Variants in CATSPERD observed in about 807,000 individuals in gnomAD.
The protein encoded by CATSPERD is cation channel sperm-associated auxiliary subunit delta.
In CATSPERD, 86 loss-of-function variants were observed where a neutral mutation model predicts 98.1. The ratio of observed to expected loss-of-function variants is 0.88; its 90% CI spans 0.74 to 1.05. The LOEUF is 1.05. Ranked by LOEUF, CATSPERD falls within the 50% of genes least tolerant of loss-of-function variation. The pLI is 0.00. For missense variants in CATSPERD, 995 were observed against 1,005.7 expected (o/e 0.99, Z 0.14); for synonymous variants, 394 against 390.2 (o/e 1.01, Z -0.12).
chr19:5,751,927 C>G, intron 12 of CATSPERD, 104 bp downstream of exon 12: 1 of 1,109,294 alleles, frequency 9.0e-7, no homozygotes, highest in Non-Finnish European at 1.3e-6. Flanking sequence ...GCTCAGGAGG[C>G]TGAGGCTGGA....
chr19:5,726,881 T>C (rs1312091610), intron 2 of CATSPERD, among the ~76,000 whole-genome samples: 1 of 152,140 alleles, frequency 6.6e-6, no homozygotes, highest in Non-Finnish European at 1.5e-5. Flanking sequence ...ACCCTTTATG[T>C]TGATAATAGT....
chr19:5,723,419 G>A (rs530219706), intron 1 of CATSPERD, among the ~76,000 whole-genome samples: 2 of 145,802 alleles, frequency 1.4e-5, no homozygotes, highest in East Asian at 4.3e-4. Flanking sequence ...AGCCTCCTGA[G>A]TATCTGGGAT....
intron 8 of CATSPERD, 59 bp from the exon 9 acceptor site, chr19:5,745,854 C>A (rs969144670): frequency 6.3e-7 from 1 of 1,576,538 alleles, no homozygotes; most frequent in Non-Finnish European, 8.6e-7. Context: ...CTCATTAGGA[C>A]TCAGTGGGAC....
At chr19:5,760,197 G>A (rs1044332603) in intron 15 of CATSPERD, among the ~76,000 whole-genome samples, 3 of 150,448 alleles carry the variant, frequency 2.0e-5, no homozygotes, top group Non-Finnish European at 4.4e-5. Flanking sequence ...TCAAGAGATC[G>A]AGACCAGCCT....
chr19:5,764,030 G>A (rs2145835320), intron 16 of CATSPERD, among the ~76,000 whole-genome samples: 1 of 149,380 alleles, frequency 6.7e-6, no homozygotes, highest in Admixed American at 6.7e-5. Context: ...TGTATTTTTA[G>A]AAGAAACTGG....
In CATSPERD at chr19:5,771,035, G is replaced by A. The variant is rs374184519; in HGVS notation, c.1726G>A (p.Val576Ile). Residue 576 changes from valine to isoleucine, a missense_variant, in exon 19 of 22, where the codon GTC (valine) becomes ATC (isoleucine). Around this residue, in one of 3 missense-constraint regions of CATSPERD, gnomAD observed 762 missense variants for 773.7 expected, o/e 0.98. Coordinates refer to ENST00000381624, the MANE Select transcript of CATSPERD (RefSeq NM_152784.4). ...CCAGCAGCTGGGCTGTCCTCTCCTC[G>A]TCTACTATGACACCCTATGGAAGCC... ...SYQQLGCPLLVYYDTLWKPVV... is the reference protein window; with the variant it reads ...SYQQLGCPLLIYYDTLWKPVV... 65 of 1,613,896 alleles carry A rather than the reference G, an allele frequency of 4.0e-5. No individual in the cohort carries two copies. The highest frequency in any genetic ancestry group is 2.0e-4 in the South Asian group (18 of 91,070).
chr19:5,759,566 CAAA>C (rs35459854), intron 15 of CATSPERD, among the ~76,000 whole-genome samples: 32 of 83,998 alleles, frequency 3.8e-4, no homozygotes, highest in South Asian at 1.9e-3. Context: ...ACTCCAGCTC[CAAA>C]AAAAAAAAAA....
At chr19:5,775,113 T>C (rs1195422520) in intron 20 of CATSPERD, 1 of 365,272 alleles carries the variant, frequency 2.7e-6, no homozygotes, top group Non-Finnish European at 5.7e-6. Context: ...AGCAGGCATG[T>C]GGCAGACTGC....
At chr19:5,757,738 G>A (rs769426909) in intron 13 of CATSPERD, 105 bp from the exon 14 acceptor site, 350 of 777,398 alleles carry the variant, frequency 4.5e-4, no homozygotes, top group Non-Finnish European at 6.6e-4. Context: ...ACTACACCCA[G>A]CCCTGATTTT....
At chr19:5,761,877 C>G (rs1338671729) in intron 15 of CATSPERD, among the ~76,000 whole-genome samples, 1 of 150,572 alleles carries the variant, frequency 6.6e-6, no homozygotes, top group Non-Finnish European at 1.5e-5. Flanking sequence ...AGGCGTGTGC[C>G]ACCACGCCCG....
chr19:5,754,140 T>C lies in CATSPERD; in HGVS notation c.1173T>C (p.Phe391=). The stretch of plus-strand genomic sequence containing the variant: ...TTCGCCTTTTTAACTAGATAGAGTT[T>C]CTGACAGGAGAATTTATATACAGGA... The part of the protein sequence containing the change: ...ELHVGKCKIE[F]LTGEFIYRMY... Residue 391 remains phenylalanine (F), a synonymous_variant, in exon 13 of 22, where the codon TTT becomes TTC. Transcript: ENST00000381624. 6.2e-7 allele frequency: 1 copy of C among 1,607,924 alleles called. No homozygotes were observed.
chr19:5,738,833 C>T (rs1339511849), intron 6 of CATSPERD, among the ~76,000 whole-genome samples: 1 of 152,230 alleles, frequency 6.6e-6, no homozygotes, highest in Non-Finnish European at 1.5e-5. Context: ...GCCTCAGCCT[C>T]CCAAAGTGCT....
At chr19:5,776,738 G>A (rs920345665) in intron 21 of CATSPERD, among the ~76,000 whole-genome samples, 1 of 152,120 alleles carries the variant, frequency 6.6e-6, no homozygotes, top group Non-Finnish European at 1.5e-5. Context: ...GCCGGCTGTG[G>A]TGGCAGGTGC....
chr19:5,748,867 T>C (rs984643264), intron 10 of CATSPERD, among the ~76,000 whole-genome samples: 10 of 150,106 alleles, frequency 6.7e-5, no homozygotes, highest in African/African-American at 2.2e-4. Context: ...TAGCTGGGAC[T>C]ACAGGCGCGC....
rs192442457 is a variant in CATSPERD at position 5,768,449 on chromosome 19, G to A, written c.1634+207G>A. On this transcript the variant is annotated intron_variant, in intron 18 of 21. Coordinates refer to ENST00000381624, the MANE Select transcript of CATSPERD (RefSeq NM_152784.4). The stretch of plus-strand genomic sequence containing the variant: ...CCTCCCGGGTTCACACCATTCTCCC[G>A]CCTCAGCCTCCTGAGTAGTTGGGAC... Among the ~76,000 whole-genome samples, 720 of 151,484 alleles carry A rather than the reference G, an allele frequency of 4.8e-3. 5 individuals carry two copies. The highest frequency in any genetic ancestry group is 0.016 in the African/African-American group (661 of 41,238).
chr19:5,741,548 G>A (rs895190416), intron 7 of CATSPERD, among the ~76,000 whole-genome samples: 4 of 151,984 alleles, frequency 2.6e-5, no homozygotes, highest in African/African-American at 9.7e-5. Flanking sequence ...CTTTTATAAG[G>A]ATGCTCATCC....
chr19:5,777,868 C>T (rs1044881663), intron 21 of CATSPERD, among the ~76,000 whole-genome samples: 26 of 147,718 alleles, frequency 1.8e-4, no homozygotes, highest in African/African-American at 5.7e-4. Context: ...GAGCCAGATT[C>T]CACCGTTTCA....
At chr19:5,763,365 G>A (rs2056479743) in intron 16 of CATSPERD, 72 bp downstream of exon 16, 4 of 1,269,282 alleles carry the variant, frequency 3.2e-6, no homozygotes, top group Non-Finnish European at 4.6e-6. Context: ...TGGCCCTGAG[G>A]TTGCAATGAG....
In CATSPERD at chr19:5,772,214, A is replaced by ATTTTTT. The variant is rs35847357; in HGVS notation, c.1764-548_1764-543dup. ...AGTTGCATACCACAATGCCCGGTTA[A>ATTTTTT]TTTTTTTTTTTTTTTTTTTTTTTTT... On this transcript the variant is annotated intron_variant, in intron 19 of 21. Coordinates refer to ENST00000381624, the MANE Select transcript of CATSPERD (RefSeq NM_152784.4). The ATTTTTT allele has an allele frequency of 5.1e-3, 786 of 154,446 alleles. 62 individuals carry two copies. The highest frequency in any genetic ancestry group is 0.017 in the African/African-American group (224 of 12,966). The allele number at this position is 154,446 out of a possible 1,614,324, so 9.6% of individuals were successfully genotyped here.
Sources: gnomAD v4.1 joint callset for allele counts (sites outside exome capture counted in the v4.1 genomes callset) on GRCh38, gnomAD v4.1.1 for gene constraint, gnomAD v4.1.1 regional missense constraint, MANE v1.5 for transcripts, NCBI Gene and HGNC (gene_info 2026-07-23, HGNC 2026-07-21) for gene names.